The following QSOX2 variants were observed in gnomAD, a reference collection of about 807,000 sequenced individuals.
The protein encoded by QSOX2 is quiescin sulfhydryl oxidase 2, also known as sulfhydryl oxidase 2.
QSOX2 carries 46 observed loss-of-function variants against 61.7 expected under a neutral mutation model. That is an observed-to-expected ratio of 0.75 (90% CI 0.59 to 0.95). QSOX2 has a LOEUF of 0.95. Ranked by LOEUF, QSOX2 falls within the 40% of genes least tolerant of loss-of-function variation. The pLI, the probability that QSOX2 is intolerant of heterozygous loss-of-function variation, is 0.00. For missense variants in QSOX2, 879 were observed against 918.9 expected (o/e 0.96, Z 0.56); for synonymous variants, 383 against 388.4 (o/e 0.99, Z 0.16).
rs990765395 is a variant in QSOX2, at chr9:136,223,586, C to G, written c.675+177G>C. Among the ~76,000 whole-genome samples, 3 of 152,284 alleles carry G rather than the reference C, an allele frequency of 2.0e-5. No individual in the cohort carries two copies. The highest frequency in any genetic ancestry group is 7.2e-5 in the African/African-American group (3 of 41,546). ...ATTCATCCTAACAGTCTTCTCCAGA[C>G]ACCAGTGACTTTGCTGAGTAACATT... On this transcript the variant is annotated intron_variant, in intron 5 of 11. Transcript: ENST00000358701. The surrounding 1 kb of genome is among the most constrained non-coding windows in gnomAD (Gnocchi z 4.4).
intron 1 of QSOX2, among the ~76,000 whole-genome samples, chr9:136,234,021 T>G (rs1830355215): frequency 6.6e-6 from 1 of 152,020 alleles, no homozygotes; most frequent in Non-Finnish European, 1.5e-5. Flanking sequence ...CCTCTGCCGC[T>G]GCAACCTGGG....
rs749458929 is a variant in QSOX2, at chr9:136,223,741, G to A, written c.675+22C>T. 3 of 1,603,510 alleles carry A rather than the reference G, an allele frequency of 1.9e-6. No individual in the cohort carries two copies. Among genetic ancestry groups the A allele is most frequent in the East Asian group, 4.5e-5 (2 of 44,818 alleles). On this transcript the variant is annotated intron_variant, in intron 5 of 11. Coordinates refer to ENST00000358701, the MANE Select transcript of QSOX2 (RefSeq NM_181701.4). The surrounding 1 kb of genome is among the most constrained non-coding windows in gnomAD (Gnocchi z 4.4). ...CCCAATCACACCACGTGTGACACCTGGAGCCCACGCAGAGGCCGTACCTCC... is the reference window on the plus strand; with the variant it reads ...CCCAATCACACCACGTGTGACACCTAGAGCCCACGCAGAGGCCGTACCTCC...
intron 10 of QSOX2, among the ~76,000 whole-genome samples, chr9:136,211,920 T>C (rs989250659): frequency 1.2e-4 from 18 of 152,248 alleles, no homozygotes; most frequent in Non-Finnish European, 2.1e-4. Context: ...CTGCTCATTC[T>C]AAACCTGCAG....
At chr9:136,236,086 G>A (rs544599470) in intron 1 of QSOX2, among the ~76,000 whole-genome samples, 12 of 152,266 alleles carry the variant, frequency 7.9e-5, no homozygotes, top group South Asian at 4.1e-4. Context: ...AAGTCAACCC[G>A]GACCTCTCCC....
rs1830244395 is a variant in QSOX2, at chr9:136,223,388, T to C, written c.675+375A>G. Among the ~76,000 whole-genome samples, 1 of 152,118 alleles carries C rather than the reference T, an allele frequency of 6.6e-6. No homozygotes were observed. The highest frequency in any genetic ancestry group is 2.1e-4 in the South Asian group (1 of 4,822). ...CAGAATCTTGGATTTGGCAAAAATG[T>C]TGAGAGTTCAGAATACGGCAACGAA... is the stretch of plus-strand genomic sequence containing the variant. On this transcript the variant is annotated intron_variant, in intron 5 of 11. Coordinates refer to ENST00000358701, the MANE Select transcript of QSOX2 (RefSeq NM_181701.4). The surrounding 1 kb of genome is among the most constrained non-coding windows in gnomAD (Gnocchi z 4.4).
Position 136,215,365 on chromosome 9 carries a change from C to T in QSOX2, c.1210-61G>A, listed in dbSNP as rs1218437699. The T allele has an allele frequency of 2.0e-6, 3 of 1,530,442 alleles. No homozygotes were observed. In the African/African-American group the frequency reaches 4.2e-5, roughly 21 times the overall value. 94.8% of individuals were successfully genotyped at this position (1,530,442 alleles called of 1,614,324 possible). A position where few individuals can be genotyped will look rare whatever the true frequency, so the allele number is the denominator to read the frequency against. On this transcript the variant is annotated intron_variant, in intron 9 of 11. Coordinates refer to ENST00000358701, the MANE Select transcript of QSOX2 (RefSeq NM_181701.4). Reference sequence around the variant, plus strand: ...AAAAGATAATTGTTGAAATTAAAAACAGTCGACAGCTGCCTTCTTGACTGG... The same window carrying T: ...AAAAGATAATTGTTGAAATTAAAAATAGTCGACAGCTGCCTTCTTGACTGG...
At chr9:136,243,099 C>T (rs141750291) in intron 1 of QSOX2, among the ~76,000 whole-genome samples, 40 of 152,312 alleles carry the variant, frequency 2.6e-4, no homozygotes, top group African/African-American at 8.4e-4. Context: ...TCAGCAGCAA[C>T]GACACCAAAC....
intron 1 of QSOX2, among the ~76,000 whole-genome samples, chr9:136,227,816 A>C (rs1291879556): frequency 1.3e-5 from 2 of 152,202 alleles, no homozygotes; most frequent in Non-Finnish European, 2.9e-5. Context: ...CTCTAAAAAA[A>C]AAATACAAAA....
intron 8 of QSOX2, 46 bp from the exon 9 acceptor site, chr9:136,216,768 G>A: frequency 1.9e-6 from 3 of 1,606,608 alleles, no homozygotes; most frequent in African/African-American, 1.3e-5. Context: ...CCAAACCCGG[G>A]CCCGCCCCCA....
chr9:136,221,952 A>G lies in QSOX2; in HGVS notation c.676-11T>C, dbSNP rs1830220172. 2 of 1,576,740 alleles carry G rather than the reference A, an allele frequency of 1.3e-6. No homozygotes were observed. The highest frequency in any genetic ancestry group is 2.3e-5 in the South Asian group (2 of 85,706). The stretch of plus-strand genomic sequence containing the variant: ...CAGGTCTAAGATCACCTGGGGGATG[A>G]GAACACAATGACACTTCCACAGGGG... On this transcript the variant is annotated splice_polypyrimidine_tract_variant and intron_variant, in intron 5 of 11. Coordinates refer to ENST00000358701, the MANE Select transcript of QSOX2 (RefSeq NM_181701.4). This position sits in a 1 kb window ranked among gnomAD's most constrained non-coding sequence, Gnocchi z 4.5.
intron 9 of QSOX2, 78 bp from the exon 10 acceptor site, chr9:136,215,382 C>T: frequency 1.5e-6 from 2 of 1,364,296 alleles, no homozygotes; most frequent in African/African-American, 1.5e-5. Flanking sequence ...CAGCTGCCTT[C>T]TTGACTGGGG....
Position 136,209,393 on chromosome 9 carries a change from G to C in QSOX2, c.1550-118C>G. On this transcript the variant is annotated intron_variant, in intron 11 of 11. Transcript: ENST00000358701. This position sits in a 1 kb window ranked among gnomAD's most constrained non-coding sequence, Gnocchi z 5.6. ...CACGGGCCTCCACTGCCCTGGCCCAGGGTCCTGCCAGGCCTCCCTCCCTGC... is the reference window on the plus strand; with the variant it reads ...CACGGGCCTCCACTGCCCTGGCCCACGGTCCTGCCAGGCCTCCCTCCCTGC... The C allele has an allele frequency of 1.3e-6, 2 of 1,515,030 alleles. No homozygotes were observed. The highest frequency in any genetic ancestry group is 8.8e-7 in the Non-Finnish European group (1 of 1,135,076). The allele number at this position is 1,515,030 out of a possible 1,614,324, so 93.8% of individuals were successfully genotyped here.
intron 1 of QSOX2, among the ~76,000 whole-genome samples, chr9:136,236,327 T>C (rs1458696880): frequency 6.6e-6 from 1 of 150,628 alleles, no homozygotes; most frequent in Non-Finnish European, 1.5e-5. Flanking sequence ...ATGGGGCAGA[T>C]GCTAGGTGGC....
intron 1 of QSOX2, among the ~76,000 whole-genome samples, chr9:136,234,349 G>T (rs113703846): frequency 0.027 from 4,170 of 152,278 alleles, 77 homozygotes; most frequent in Middle Eastern, 0.048. Flanking sequence ...ACACATTTTT[G>T]ACTGTACAGG....
chr9:136,229,265 G>A lies in QSOX2; in HGVS notation c.329-2391C>T, dbSNP rs12341079. ...CCCAAGCCTCAGACCACATGGAACT[G>A]AGGAAGAAGGGTTCATGCTCTCACC... On this transcript the variant is annotated intron_variant, in intron 1 of 11. Transcript: ENST00000358701. Among the ~76,000 whole-genome samples the A allele has an allele frequency of 7.4e-3, 1,123 of 152,326 alleles. 11 individuals carry two copies. The highest frequency in any genetic ancestry group is 0.026 in the African/African-American group (1,069 of 41,572).
intron 1 of QSOX2, among the ~76,000 whole-genome samples, chr9:136,231,870 AATCCGCCCC>A (rs1564295902): frequency 6.7e-6 from 1 of 148,332 alleles, no homozygotes; most frequent in African/African-American, 2.6e-5. Flanking sequence ...CAGGGCCGGC[AATCCGCCCC>A]CTCCACCCCC....
At chr9:136,231,839 C>T (rs908484091) in intron 1 of QSOX2, among the ~76,000 whole-genome samples, 1 of 152,094 alleles carries the variant, frequency 6.6e-6, no homozygotes, top group African/African-American at 2.4e-5. Context: ...CCTCAGAGGC[C>T]GAGAGAGGGA....
At chr9:136,218,540 C>A in intron 8 of QSOX2, 139 bp downstream of exon 8, 2 of 1,004,994 alleles carry the variant, frequency 2.0e-6, no homozygotes, top group Non-Finnish European at 2.8e-6. Flanking sequence ...TGAGTTGGGG[C>A]GTGGGCCTGG....
intron 1 of QSOX2, among the ~76,000 whole-genome samples, chr9:136,229,380 A>G (rs1040180426): frequency 2.6e-5 from 4 of 152,244 alleles, no homozygotes; most frequent in Admixed American, 2.6e-4. Context: ...ACCCCTCCAC[A>G]GCCCCGGCTC....
Sources: gnomAD v4.1 joint callset for allele counts (sites outside exome capture counted in the v4.1 genomes callset) on GRCh38, gnomAD v4.1.1 for gene constraint, Gnocchi (gnomAD v3.1) non-coding constraint, MANE v1.5 for transcripts, NCBI Gene and HGNC (gene_info 2026-07-23, HGNC 2026-07-21) for gene names.